The following PPARGC1A variants were observed in gnomAD, a reference collection of about 807,000 sequenced individuals.
The protein encoded by PPARGC1A is PPARG coactivator 1 alpha.
Under a neutral mutation model 88.7 loss-of-function variants are expected in PPARGC1A, and 25 were observed. The observed-to-expected ratio is 0.28, with a 90% CI of 0.21 to 0.39. PPARGC1A has a LOEUF of 0.39. Among genes scored for constraint, PPARGC1A ranks in the 10% least tolerant of loss-of-function variants. The pLI is 1.00. For missense variants in PPARGC1A, 880 were observed against 968.7 expected, an observed-to-expected ratio of 0.91 and a Z score of 1.22; for synonymous variants, 363 against 355.6, an observed-to-expected ratio of 1.02 and a Z score of -0.24.
intron 10 of PPARGC1A, among the ~76,000 whole-genome samples, chr4:23,807,772 T>C (rs1720094229): frequency 6.6e-6 from 1 of 151,862 alleles, no homozygotes; most frequent in Non-Finnish European, 1.5e-5. Context: ...TGTGTGTGAA[T>C]AACATGAAAT....
At chr4:23,898,010 G>A (rs941152710) in intron 1 of PPARGC1A, among the ~76,000 whole-genome samples, 2 of 152,100 alleles carry the variant, frequency 1.3e-5, no homozygotes, top group African/African-American at 4.8e-5. Context: ...TAGAAAGAAG[G>A]GTGGATATTA....
the PPARGC1A span, among the ~76,000 whole-genome samples, chr4:24,361,061 G>C: frequency 6.6e-6 from 1 of 152,150 alleles, no homozygotes; most frequent in Non-Finnish European, 1.5e-5. Context: ...CGAGGCAAGG[G>C]CCTGCATAAG....
the PPARGC1A span, among the ~76,000 whole-genome samples, chr4:24,382,436 G>C: frequency 6.6e-6 from 1 of 152,038 alleles, no homozygotes; most frequent in Non-Finnish European, 1.5e-5. Flanking sequence ...GAACTTAAAA[G>C]GCAGGAAGTA....
At chr4:23,938,823 T>C in the PPARGC1A span, among the ~76,000 whole-genome samples, 1 of 152,170 alleles carries the variant, frequency 6.6e-6, no homozygotes, top group South Asian at 2.1e-4. Flanking sequence ...CCCATCCCCC[T>C]AGGACATGAC....
At chr4:24,444,032 G>A in the PPARGC1A span, among the ~76,000 whole-genome samples, 1 of 152,000 alleles carries the variant, frequency 6.6e-6, no homozygotes, top group South Asian at 2.1e-4. Flanking sequence ...TTTCGTCGTT[G>A]TTGTTGTTAT....
At chr4:24,371,767 C>A in the PPARGC1A span, among the ~76,000 whole-genome samples, 1 of 146,976 alleles carries the variant, frequency 6.8e-6, no homozygotes, top group Non-Finnish European at 1.5e-5. Context: ...ATGATGAAAC[C>A]CCATCTCCAC....
At chr4:24,150,394 GTTC>G in the PPARGC1A span, among the ~76,000 whole-genome samples, 1 of 152,148 alleles carries the variant, frequency 6.6e-6, no homozygotes, top group African/African-American at 2.4e-5. Context: ...TGAAGCCTCT[GTTC>G]TTCTTGTGGG....
the PPARGC1A span, among the ~76,000 whole-genome samples, chr4:24,328,449 C>G: frequency 5.3e-5 from 8 of 152,086 alleles, no homozygotes; most frequent in Admixed American, 5.2e-4. Context: ...TTCCCATTAA[C>G]AAAAGAAAAG....
chr4:24,455,269 C>T, the PPARGC1A span, among the ~76,000 whole-genome samples: 1 of 152,048 alleles, frequency 6.6e-6, no homozygotes, highest in Non-Finnish European at 1.5e-5. Context: ...TCACTTGAGG[C>T]CAGAAGTTTG....
At chr4:24,413,699 G>A in the PPARGC1A span, among the ~76,000 whole-genome samples, 3 of 152,076 alleles carry the variant, frequency 2.0e-5, no homozygotes, top group Admixed American at 2.0e-4. Context: ...TGCTGGCTTC[G>A]CAGCTGGAGA....
intron 2 of PPARGC1A, among the ~76,000 whole-genome samples, chr4:23,874,797 G>GT (rs1714356270): frequency 6.6e-6 from 1 of 152,128 alleles, no homozygotes; most frequent in Non-Finnish European, 1.5e-5. Context: ...TTTTGGTCAA[G>GT]TTTTTTCCTC....
At chr4:24,235,110 C>T in the PPARGC1A span, among the ~76,000 whole-genome samples, 3 of 152,102 alleles carry the variant, frequency 2.0e-5, no homozygotes, top group African/African-American at 7.2e-5. Context: ...ACTTAACAAC[C>T]ACCAAGGTAC....
chr4:24,006,809 A>C, the PPARGC1A span, among the ~76,000 whole-genome samples: 1 of 152,090 alleles, frequency 6.6e-6, no homozygotes, highest in Non-Finnish European at 1.5e-5. Flanking sequence ...ACCAAAAACC[A>C]ACAAACAGCA....
intron 2 of PPARGC1A, among the ~76,000 whole-genome samples, chr4:23,865,772 C>A (rs1231781281): frequency 2.0e-5 from 3 of 152,136 alleles, no homozygotes; most frequent in African/African-American, 7.2e-5. Context: ...CTATTTCACA[C>A]TAAATTGGCA....
At chr4:23,868,041 CT>C (rs1712424524) in intron 2 of PPARGC1A, among the ~76,000 whole-genome samples, 1 of 152,116 alleles carries the variant, frequency 6.6e-6, no homozygotes, top group African/African-American at 2.4e-5. Flanking sequence ...CAGCGGGTTC[CT>C]TGAACAGAGA....
Position 23,829,466 on chromosome 4 carries a change from A to C in PPARGC1A, c.549T>G (p.Val183=). 1 of 1,612,892 alleles carries C rather than the reference A, an allele frequency of 6.2e-7. No homozygotes were observed. The highest frequency in any genetic ancestry group is 8.5e-7 in the Non-Finnish European group (1 of 1,179,158). The change falls in exon 4 of 13, where the codon GTT becomes GTG. Residue 183 remains valine (V), a synonymous_variant. Coordinates refer to ENST00000264867, the MANE Select transcript of PPARGC1A (RefSeq NM_013261.5). The part of the protein sequence containing the change: ...NHRIRTNPAI[V]KTENSWSNKA... The stretch of plus-strand genomic sequence containing the variant: ...ATTAAAAAATTTACATTTGTACCTT[A>C]ACAATTGCAGGGTTTGTTCTGATCC...
chr4:24,323,941 T>C, the PPARGC1A span, among the ~76,000 whole-genome samples: 1 of 152,198 alleles, frequency 6.6e-6, no homozygotes, highest in South Asian at 2.1e-4. Flanking sequence ...ATCTTGGCGC[T>C]ACACTTCAAT....
the PPARGC1A span, among the ~76,000 whole-genome samples, chr4:24,082,233 T>A: frequency 2.6e-5 from 4 of 152,276 alleles, no homozygotes; most frequent in Admixed American, 6.5e-5. Flanking sequence ...GTTTCCCCAA[T>A]ATAAATGGTG....
the PPARGC1A span, among the ~76,000 whole-genome samples, chr4:24,030,984 G>T: frequency 6.6e-6 from 1 of 152,102 alleles, no homozygotes; most frequent in Non-Finnish European, 1.5e-5. Context: ...GCAGATGACT[G>T]GAGAAAAGGA....
Sources: gnomAD v4.1 joint callset for allele counts (sites outside exome capture counted in the v4.1 genomes callset) on GRCh38, gnomAD v4.1.1 for gene constraint, MANE v1.5 for transcripts, NCBI Gene and HGNC (gene_info 2026-07-23, HGNC 2026-07-21) for gene names.